The following TIMM50 variants were observed in gnomAD, a reference collection of about 807,000 sequenced individuals.
TIMM50 encodes the protein mitochondrial import inner membrane translocase subunit TIM50.
A neutral mutation model predicts 49.6 loss-of-function variants in TIMM50; 34 were observed. That is an observed-to-expected ratio of 0.69 (90% CI 0.52 to 0.91). The LOEUF is 0.91. TIMM50 is among the 40% of genes least tolerant of loss of function. TIMM50 has a pLI of 0.00. For synonymous variants in TIMM50, 199 were observed against 198.4 expected (o/e 1.00, Z -0.03); for missense variants, 458 against 477.8 (o/e 0.96, Z 0.39).
At chr19:39,482,189 G>C in intron 2 of TIMM50, among the ~76,000 whole-genome samples, 156 bp downstream of exon 2, 1 of 152,124 alleles carries the variant, frequency 6.6e-6, no homozygotes, top group Non-Finnish European at 1.5e-5. Flanking sequence ...TTGAAAACCA[G>C]GGAAGTCTTC....
In TIMM50 at chr19:39,482,029, C is replaced by A. The variant is rs746441093; in HGVS notation, c.255C>A (p.Ile85=). The A allele has an allele frequency of 6.2e-7, 1 of 1,613,856 alleles. No individual in the cohort carries two copies. Among genetic ancestry groups the A allele is most frequent in the Admixed American group, 1.7e-5 (1 of 60,002 alleles). ...GAGGTVSVVY[I]FGNNPVDENG... ...GTGGGACTGTGAGCGTCGTCTATAT[C>A]TTTGGTGAGGGACATATCCCTGTCC... The change falls in exon 2 of 11, where the codon ATC becomes ATA. Residue 85 remains isoleucine, a synonymous_variant. Transcript: ENST00000607714.
chr19:39,481,839 G>C, intron 1 of TIMM50, 44 bp from the exon 2 acceptor site: 1 of 1,595,594 alleles, frequency 6.3e-7, no homozygotes, highest in Non-Finnish European at 8.5e-7. Flanking sequence ...GGACCATCCT[G>C]ACCTCTCTTC....
chr19:39,481,635 T>C (rs1325091173), intron 1 of TIMM50, among the ~76,000 whole-genome samples: 1 of 152,148 alleles, frequency 6.6e-6, no homozygotes, highest in Non-Finnish European at 1.5e-5. Context: ...CCTCCAGTCC[T>C]GTTGCCTTCA....
intron 8 of TIMM50, among the ~76,000 whole-genome samples, chr19:39,486,941 G>GT (rs1373919138): frequency 6.6e-6 from 1 of 152,132 alleles, no homozygotes; most frequent in Non-Finnish European, 1.5e-5. Context: ...GTGTCTGTGT[G>GT]TCTGTTGGTT....
chr19:39,484,354 T>C lies in TIMM50; in HGVS notation c.314-1190T>C, dbSNP rs368948815. Among the ~76,000 whole-genome samples, 45 of 152,102 alleles carry C rather than the reference T, an allele frequency of 3.0e-4. 1 individual carries two copies. In the South Asian group the frequency reaches 8.7e-3, roughly 29 times the overall value. On this transcript the variant is annotated intron_variant, in intron 4 of 10. Coordinates refer to ENST00000607714, the MANE Select transcript of TIMM50 (RefSeq NM_001001563.5). The stretch of plus-strand genomic sequence containing the variant: ...GGAAGTTACAGGCTGCAGTGAGCTG[T>C]GATCCCGCCACTGCACTCTAGCCTG...
Position 39,491,171 on chromosome 19 carries a change from G to GTT in TIMM50, c.*1362_*1363dup, listed in dbSNP as rs143394669. On this transcript the variant is annotated 3_prime_UTR_variant, in exon 11 of 11. Coordinates refer to ENST00000607714, the MANE Select transcript of TIMM50 (RefSeq NM_001001563.5). ...GTAGCCAGTGGCCACATAAACCTTT[G>GTT]TTTTTTTTTTTTGAGACGGAGTTTC... 2 of 143,564 alleles carry GTT rather than the reference G, an allele frequency of 1.4e-5. No individual in the cohort carries two copies. Among genetic ancestry groups the GTT allele is most frequent in the Non-Finnish European group, 3.1e-5 (2 of 65,526 alleles). 8.9% of individuals were successfully genotyped at this position (143,564 alleles called of 1,614,324 possible). A position where few individuals can be genotyped will look rare whatever the true frequency, so the allele number is the denominator to read the frequency against.
At chr19:39,483,234 T>C in intron 4 of TIMM50, 78 bp downstream of exon 4, 1 of 1,587,972 alleles carries the variant, frequency 6.3e-7, no homozygotes, top group Non-Finnish European at 8.6e-7. Context: ...TCTCCCCATC[T>C]GGTGTCTCCG....
In TIMM50 at chr19:39,483,118, T is replaced by C. The variant is rs748549668; in HGVS notation, c.292-17T>C. The stretch of plus-strand genomic sequence containing the variant: ...CTCTGACATCCTAAACCTTCCATTT[T>C]TCTCTCTACCTCCCAGATTCCTGAT... On this transcript the variant is annotated splice_polypyrimidine_tract_variant and intron_variant, in intron 3 of 10. Transcript: ENST00000607714. 3.1e-6 allele frequency: 5 copies of C among 1,614,092 alleles called. No homozygotes were observed. Among genetic ancestry groups the C allele is most frequent in the Non-Finnish European group, 4.2e-6 (5 of 1,180,038 alleles).
Position 39,490,611 on chromosome 19 carries a change from A to G in TIMM50, c.*791A>G, listed in dbSNP as rs1470418919. 6.6e-6 allele frequency: 1 copy of G among 151,954 alleles called. No individual in the cohort carries two copies. Among genetic ancestry groups the G allele is most frequent in the African/African-American group, 2.4e-5 (1 of 41,382 alleles). The allele number at this position is 151,954 out of a possible 1,614,324, so 9.4% of individuals were successfully genotyped here. A position where few individuals can be genotyped will look rare whatever the true frequency, so the allele number is the denominator to read the frequency against. On this transcript the variant is annotated 3_prime_UTR_variant, in exon 11 of 11. Coordinates refer to ENST00000607714, the MANE Select transcript of TIMM50 (RefSeq NM_001001563.5). ...GGTCTTGGTGCCCAAGCTGGTCTCA[A>G]ACTCCTAGTCTTAAGCAATCTTCCT...
Position 39,480,967 on chromosome 19 carries a change from C to T in TIMM50, c.108+6C>T. ...CCCGCCGGGCCCCAGATCAGGTGAGCGGAACGAGGGTGGCCCTCTGAATGT... is the reference window on the plus strand; with the variant it reads ...CCCGCCGGGCCCCAGATCAGGTGAGTGGAACGAGGGTGGCCCTCTGAATGT... On this transcript the variant is annotated splice_donor_region_variant and intron_variant, in intron 1 of 10. Coordinates refer to ENST00000607714, the MANE Select transcript of TIMM50 (RefSeq NM_001001563.5). 6.3e-7 allele frequency: 1 copy of T among 1,578,778 alleles called. No individual in the cohort carries two copies. The highest frequency in any genetic ancestry group is 8.5e-7 in the Non-Finnish European group (1 of 1,171,762).
At chr19:39,481,539 C>T (rs2146147410) in intron 1 of TIMM50, among the ~76,000 whole-genome samples, 1 of 152,286 alleles carries the variant, frequency 6.6e-6, no homozygotes, top group Middle Eastern at 3.4e-3. Flanking sequence ...CTTCCCCCAC[C>T]ACTTGTGCCC....
In TIMM50 at chr19:39,492,395, G is replaced by A. The variant is rs1231299528; in HGVS notation, c.*2575G>A. 6.6e-6 allele frequency: 1 copy of A among 151,906 alleles called. No homozygotes were observed. Among genetic ancestry groups the A allele is most frequent in the Non-Finnish European group, 1.5e-5 (1 of 67,978 alleles). 9.4% of individuals were successfully genotyped at this position (151,906 alleles called of 1,614,324 possible). A position where few individuals can be genotyped will look rare whatever the true frequency, so the allele number is the denominator to read the frequency against. Reference sequence around the variant, plus strand: ...AGCACTCCCATGTAGGCACTCAAATGGAACTATGTAAACCTTAGGCAAGGC... The same window carrying A: ...AGCACTCCCATGTAGGCACTCAAATAGAACTATGTAAACCTTAGGCAAGGC... On this transcript the variant is annotated 3_prime_UTR_variant, in exon 11 of 11. Coordinates refer to ENST00000607714, the MANE Select transcript of TIMM50 (RefSeq NM_001001563.5).
rs780699909 is a variant in TIMM50 at position 39,481,846 on chromosome 19, CTT to C, written c.109-36_109-35del. 4 of 1,600,268 alleles carry C rather than the reference CTT, an allele frequency of 2.5e-6. No individual in the cohort carries two copies. In the South Asian group the frequency reaches 3.3e-5, roughly 13 times the overall value. ...GAGGGTGGGGACCATCCTGACCTCT[CTT>C]CTCTCTTGGCTGACCTCCCCTTTCT... On this transcript the variant is annotated intron_variant, in intron 1 of 10. Coordinates refer to ENST00000607714, the MANE Select transcript of TIMM50 (RefSeq NM_001001563.5).
intron 1 of TIMM50, 78 bp downstream of exon 1, chr19:39,481,039 T>A: frequency 6.9e-7 from 1 of 1,448,182 alleles, no homozygotes; most frequent in Non-Finnish European, 9.1e-7. Flanking sequence ...CCCTTGGGGG[T>A]TCCGGGACGC....
chr19:39,486,675 C>T (rs1218282544), intron 8 of TIMM50, among the ~76,000 whole-genome samples, 180 bp downstream of exon 8: 1 of 152,178 alleles, frequency 6.6e-6, no homozygotes, highest in Non-Finnish European at 1.5e-5. Context: ...TTCTTTGTTC[C>T]CTGGAATCTG....
rs778867075 is a variant in TIMM50, at chr19:39,485,705, C to T, written c.390C>T (p.Thr130=). Residue 130 remains threonine, a synonymous_variant, in exon 6 of 11, where the codon ACC becomes ACT. Coordinates refer to ENST00000607714, the MANE Select transcript of TIMM50 (RefSeq NM_001001563.5). The stretch of plus-strand genomic sequence containing the variant: ...TCCCACAGATGATCATCGAGCCCAC[C>T]AGCCCTTGCCTTCTCCCAGACCCTC... ...KDYRQMIIEP[T]SPCLLPDPLQ... is the part of the protein sequence containing the mutation. 1 of 1,614,134 alleles carries T rather than the reference C, an allele frequency of 6.2e-7. No individual in the cohort carries two copies. Among genetic ancestry groups the T allele is most frequent in the Admixed American group, 1.7e-5 (1 of 60,010 alleles).
At position 39,488,619 on chromosome 19, in the gene TIMM50, A is replaced by G; in HGVS notation, c.934A>G (p.Lys312Glu). ...GGAGGATGACCCGCTGGCGGCTTTC[A>G]AACAGCGGCAAAGCCGGCTAGAGCA... ...ALEDDPLAAF[K>E]QRQSRLEQEE... Residue 312 changes from lysine to glutamate, a missense_variant, in exon 10 of 11, where the codon AAA becomes GAA. By Grantham distance (56) the Lys-to-Glu change is moderately conservative. Transcript: ENST00000607714. 1.2e-6 allele frequency: 2 copies of G among 1,613,740 alleles called. No individual in the cohort carries two copies. Among genetic ancestry groups the G allele is most frequent in the Non-Finnish European group, 1.7e-6 (2 of 1,180,006 alleles).
At position 39,492,884 on chromosome 19, in the gene TIMM50, A is replaced by AAAAC. The variant is rs1555752655; in HGVS notation, c.*3067_*3068insCAAA. The AAAAC allele has an allele frequency of 6.3e-5, 9 of 143,870 alleles. No homozygotes were observed. Among genetic ancestry groups the AAAAC allele is most frequent in the South Asian group, 2.1e-4 (1 of 4,708 alleles). The allele number at this position is 143,870 out of a possible 1,614,324, so 8.9% of individuals were successfully genotyped here. On this transcript the variant is annotated 3_prime_UTR_variant, in exon 11 of 11. Coordinates refer to ENST00000607714, the MANE Select transcript of TIMM50 (RefSeq NM_001001563.5). ...AGGCTCTGTCTCCAAAAAAAAAAAAAAAAAAAAACAAAAAAAAAACCAGTT... is the reference window on the plus strand; with the variant it reads ...AGGCTCTGTCTCCAAAAAAAAAAAAAAAACAAAAAAAACAAAAAAAAAACCAGTT...
intron 2 of TIMM50, 123 bp downstream of exon 2, chr19:39,482,156 G>A: frequency 3.1e-6 from 4 of 1,295,560 alleles, no homozygotes; most frequent in East Asian, 2.4e-5. Context: ...TCCTCAATAG[G>A]GCAGCCAAAT....
Sources: allele counts gnomAD v4.1 joint callset (sites outside exome capture counted in the v4.1 genomes callset), GRCh38; gene constraint gnomAD v4.1.1; transcripts MANE v1.5; gene names NCBI Gene and HGNC (gene_info 2026-07-23, HGNC 2026-07-21).